Variants in TXNDC5 observed in about 807,000 individuals in gnomAD.
The protein encoded by TXNDC5 is thioredoxin domain containing 5.
In TXNDC5, 44 loss-of-function variants were observed where a neutral mutation model predicts 52.6. The ratio of observed to expected loss-of-function variants is 0.84; its 90% CI spans 0.66 to 1.08. The LOEUF (loss-of-function observed/expected upper bound fraction) is 1.08. Ranked by LOEUF, TXNDC5 falls within the 50% of genes least tolerant of loss-of-function variation. The pLI is 0.00. For synonymous variants in TXNDC5, 241 were observed against 234.4 expected, an observed-to-expected ratio of 1.03 and a Z score of -0.26; for missense variants, 600 against 565.5, an observed-to-expected ratio of 1.06 and a Z score of -0.62.
At position 7,888,966 on chromosome 6, in the gene TXNDC5, C is replaced by T. The variant is rs929528921; in HGVS notation, c.820-118G>A. The T allele has an allele frequency of 1.3e-5, 17 of 1,307,492 alleles. No individual in the cohort carries two copies. In the East Asian group the frequency reaches 3.9e-4, roughly 30 times the overall value. 81.0% of individuals were successfully genotyped at this position (1,307,492 alleles called of 1,614,324 possible). Reference sequence around the variant, plus strand: ...GCTCCCAGATGTCTTAGCGGTGGTGCAAAGTCTGCATGTTCATATTTAGAC... The same window carrying T: ...GCTCCCAGATGTCTTAGCGGTGGTGTAAAGTCTGCATGTTCATATTTAGAC... On this transcript the variant is annotated intron_variant, in intron 6 of 9. Coordinates refer to ENST00000379757, the MANE Select transcript of TXNDC5 (RefSeq NM_030810.5).
In TXNDC5 at chr6:7,882,004, G is replaced by C. The variant is rs1411838533; in HGVS notation, c.*1140C>G. 6.5e-6 allele frequency: 1 copy of C among 152,712 alleles called. No homozygotes were observed. Among genetic ancestry groups the C allele is most frequent in the Non-Finnish European group, 1.5e-5 (1 of 68,086 alleles). 9.5% of individuals were successfully genotyped at this position (152,712 alleles called of 1,614,324 possible). A position where few individuals can be genotyped will look rare whatever the true frequency, so the allele number is the denominator to read the frequency against. ...AATCACAAGGACAGCATGAGTTAGA[G>C]GACACTGGCATCAACAGCTGCCACA... On this transcript the variant is annotated 3_prime_UTR_variant, in exon 10 of 10. Transcript: ENST00000379757.
At chr6:7,900,958 A>G (rs545408669) in intron 2 of TXNDC5, among the ~76,000 whole-genome samples, 15 of 151,932 alleles carry the variant, frequency 9.9e-5, no homozygotes, top group Middle Eastern at 6.8e-3. Flanking sequence ...TCAGTCCAAA[A>G]AAAAATGGCT....
Position 7,905,040 on chromosome 6 carries a change from T to C in TXNDC5, c.264-317A>G, listed in dbSNP as rs1193034335. ...CCCAGAGTCCACCCTCCTTCCCTTG[T>C]GGCCTACTCCTGAGCCCTACTGCAG... On this transcript the variant is annotated intron_variant, in intron 1 of 9. Transcript: ENST00000379757. Among the ~76,000 whole-genome samples the C allele has an allele frequency of 3.3e-5, 5 of 152,226 alleles. No individual in the cohort carries two copies. The East Asian group carries it at 9.6e-4, about 29-fold the overall frequency.
rs111331197 is a variant in TXNDC5, at chr6:7,883,235, C to T, written c.1208G>A (p.Arg403Gln). Residue 403 changes from arginine to glutamine, a missense_variant, in exon 10 of 10, where the codon CGA (arginine) becomes CAA (glutamine). Arg to Gln is a conservative substitution (Grantham distance 43). Coordinates refer to ENST00000379757, the MANE Select transcript of TXNDC5 (RefSeq NM_030810.5). ...GTGCTCACTGACTTTCTTCCCTCCTCGGAAAAGCAATAACGTGGGGTAGCC... is the reference window on the plus strand; with the variant it reads ...GTGCTCACTGACTTTCTTCCCTCCTTGGAAAAGCAATAACGTGGGGTAGCC... ...VRGYPTLLLF[R>Q]GGKKVSEHSG... 14,603 of 1,614,122 alleles carry T rather than the reference C, an allele frequency of 9.0e-3. 73 individuals are homozygous for T. The highest frequency in any genetic ancestry group is 0.011 in the Non-Finnish European group (12,677 of 1,180,016).
In TXNDC5 at chr6:7,885,966, A is replaced by G. The variant is rs1759960975; in HGVS notation, c.1041T>C (p.Ala347=). Residue 347 remains alanine, a synonymous_variant, in exon 8 of 10, where the codon GCT becomes GCC. Transcript: ENST00000379757. ...CTAATTAAACAGCCACTTACCATGG[A>G]GCATAAAACTTGATGAAGGTTATTC... ...AEGITFIKFY[A]PWCGHCKTLA... is the part of the protein sequence containing the mutation. The G allele has an allele frequency of 6.2e-7, 1 of 1,614,058 alleles. No individual in the cohort carries two copies.
intron 2 of TXNDC5, 46 bp downstream of exon 2, chr6:7,904,528 T>C (rs1255055614): frequency 6.2e-7 from 1 of 1,600,634 alleles, no homozygotes. Flanking sequence ...ACTTTCTTTG[T>C]AGCCAGGAGC....
intron 4 of TXNDC5, chr6:7,894,812 C>G: frequency 1.0e-6 from 1 of 985,398 alleles, no homozygotes; most frequent in Non-Finnish European, 1.2e-6. Flanking sequence ...AGCAATCAAG[C>G]GAGGTGAGTC....
intron 5 of TXNDC5, among the ~76,000 whole-genome samples, chr6:7,890,557 TTAAG>T (rs759120696): frequency 9.9e-5 from 15 of 152,080 alleles, no homozygotes; most frequent in East Asian, 5.8e-4. Flanking sequence ...CATACAATAA[TTAAG>T]TAAGGATACA....
chr6:7,890,606 A>G (rs1037339083), intron 5 of TXNDC5, among the ~76,000 whole-genome samples: 1 of 152,246 alleles, frequency 6.6e-6, no homozygotes, highest in South Asian at 2.1e-4. Context: ...AGATTATTTT[A>G]TAATTACTTC....
intron 4 of TXNDC5, among the ~76,000 whole-genome samples, chr6:7,891,951 G>T (rs1760208027): frequency 6.6e-6 from 1 of 152,164 alleles, no homozygotes. Flanking sequence ...ATCTTTGATG[G>T]ACAATCAGCA....
chr6:7,902,269 T>C (rs1328988572), intron 2 of TXNDC5, among the ~76,000 whole-genome samples: 1 of 152,156 alleles, frequency 6.6e-6, no homozygotes, highest in African/African-American at 2.4e-5. Context: ...TTGTGGAACT[T>C]TGTTACAGCA....
intron 2 of TXNDC5, among the ~76,000 whole-genome samples, chr6:7,901,660 G>A (rs2113359746): frequency 6.6e-6 from 1 of 152,296 alleles, no homozygotes; most frequent in Non-Finnish European, 1.5e-5. Flanking sequence ...CGACAGGGGT[G>A]AGGGAGGTGA....
Position 7,910,224 on chromosome 6 carries a change from C to G in TXNDC5, c.263+290G>C. 6.6e-6 allele frequency: 6 copies of G among 906,154 alleles called. No homozygotes were observed. In the South Asian group the frequency reaches 3.0e-4, roughly 45 times the overall value. The allele number at this position is 906,154 out of a possible 1,614,324, so 56.1% of individuals were successfully genotyped here. A position where few individuals can be genotyped will look rare whatever the true frequency, so the allele number is the denominator to read the frequency against. On this transcript the variant is annotated intron_variant, in intron 1 of 9. Transcript: ENST00000379757. Reference sequence around the variant, plus strand: ...GCCTCCCGACCCGGAGCCCCAAGCCCTCGGTCCCCTGCAGTCCCCGGCTCC... The same window carrying G: ...GCCTCCCGACCCGGAGCCCCAAGCCGTCGGTCCCCTGCAGTCCCCGGCTCC...
At chr6:7,908,408 A>G (rs1316062671) in intron 1 of TXNDC5, among the ~76,000 whole-genome samples, 1 of 152,026 alleles carries the variant, frequency 6.6e-6, no homozygotes, top group Non-Finnish European at 1.5e-5. Context: ...CAGATGTGCC[A>G]GTTTTCTCTC....
intron 7 of TXNDC5, among the ~76,000 whole-genome samples, chr6:7,887,833 A>G (rs7740689): frequency 0.039 from 5,867 of 152,180 alleles, 209 homozygotes; most frequent in African/African-American, 0.096. Flanking sequence ...CTGGCCCTGC[A>G]GAAATGCCGG....
At chr6:7,902,191 C>T (rs1307411443) in intron 2 of TXNDC5, among the ~76,000 whole-genome samples, 1 of 152,166 alleles carries the variant, frequency 6.6e-6, no homozygotes, top group Non-Finnish European at 1.5e-5. Flanking sequence ...CCTGCTGGCT[C>T]CTTGATTTAG....
intron 1 of TXNDC5, among the ~76,000 whole-genome samples, chr6:7,906,535 C>CAAA (rs1207193194): frequency 0.026 from 1,112 of 42,400 alleles, 167 homozygotes; most frequent in East Asian, 0.066. Context: ...GACTCCATCT[C>CAAA]AAAAAAAAAA....
At position 7,890,055 on chromosome 6, in the gene TXNDC5, A is replaced by G. The variant is rs970937584; in HGVS notation, c.733-474T>C. ...GAGCAAGAAGTGAATTTTAAACAGG[A>G]GTAGTTGGTATATAATAAAGGTAAG... On this transcript the variant is annotated intron_variant, in intron 5 of 9. Transcript: ENST00000379757. Among the ~76,000 whole-genome samples the G allele has an allele frequency of 3.9e-5, 6 of 152,188 alleles. No homozygotes were observed. In the East Asian group the frequency reaches 1.2e-3, roughly 29 times the overall value.
chr6:7,909,891 G>T (rs1041251936), intron 1 of TXNDC5: 6 of 985,900 alleles, frequency 6.1e-6, no homozygotes, highest in Non-Finnish European at 7.2e-6. Context: ...CCCGGTGGCC[G>T]CGGCAGCAGC....
Sources: gnomAD v4.1 joint callset for allele counts (sites outside exome capture counted in the v4.1 genomes callset) on GRCh38, gnomAD v4.1.1 for gene constraint, MANE v1.5 for transcripts, NCBI Gene and HGNC (gene_info 2026-07-23, HGNC 2026-07-21) for gene names.